Variants in NDST4 observed in about 807,000 individuals in gnomAD.
NDST4 encodes N-deacetylase and N-sulfotransferase 4, also known as N-heparan sulfate sulfotransferase 4.
In NDST4, 63 loss-of-function variants were observed where a neutral mutation model predicts 100.8. That is an observed-to-expected ratio of 0.62 (90% confidence interval 0.51 to 0.77). The LOEUF is 0.77. Ranked by LOEUF, NDST4 falls within the 30% of genes least tolerant of loss-of-function variation. The probability of loss-of-function intolerance (pLI) is 0.00; values close to 1 mark genes in which losing one functional copy is unlikely to be tolerated. For synonymous variants in NDST4, 377 were observed against 361.8 expected (o/e 1.04, Z -0.48); for missense variants, 943 against 1,018.4 (o/e 0.93, Z 1.01).
At chr4:115,034,189 T>C (rs1728183323) in intron 2 of NDST4, among the ~76,000 whole-genome samples, 2 of 152,112 alleles carry the variant, frequency 1.3e-5, no homozygotes, top group Admixed American at 6.6e-5. Context: ...CAAAAAAATA[T>C]TCAAACATGT....
At chr4:114,990,558 T>C (rs1727015052) in intron 2 of NDST4, among the ~76,000 whole-genome samples, 1 of 152,058 alleles carries the variant, frequency 6.6e-6, no homozygotes, top group African/African-American at 2.4e-5. Flanking sequence ...ATAAAGTCAC[T>C]TAAAAAAATC....
At chr4:114,904,335 A>G (rs1724906391) in intron 6 of NDST4, among the ~76,000 whole-genome samples, 4 of 151,986 alleles carry the variant, frequency 2.6e-5, no homozygotes, top group Admixed American at 1.3e-4. Context: ...CAGAATGATA[A>G]GCAAGGTACA....
chr4:114,932,852 C>T (rs1725543059), intron 6 of NDST4, among the ~76,000 whole-genome samples: 1 of 152,042 alleles, frequency 6.6e-6, no homozygotes, highest in Non-Finnish European at 1.5e-5. Flanking sequence ...ATCATCCCAA[C>T]TTCATGGATT....
At chr4:114,976,897 C>T (rs999958730) in intron 3 of NDST4, among the ~76,000 whole-genome samples, 17 of 151,922 alleles carry the variant, frequency 1.1e-4, no homozygotes, top group Admixed American at 1.1e-3. Flanking sequence ...GCCTTCTACC[C>T]ATACTGTGCT....
At chr4:114,935,075 G>T in intron 6 of NDST4, 131 bp downstream of exon 6, 2 of 675,858 alleles carry the variant, frequency 3.0e-6, no homozygotes. Context: ...TTTTAATATA[G>T]ATTTAAATGC....
intron 2 of NDST4, among the ~76,000 whole-genome samples, chr4:114,990,488 T>C (rs2126251454): frequency 6.6e-6 from 1 of 152,250 alleles, no homozygotes; most frequent in East Asian, 1.9e-4. Flanking sequence ...CAAGGATGTT[T>C]TATTAACTGA....
intron 1 of NDST4, among the ~76,000 whole-genome samples, chr4:115,089,834 T>G (rs1729480688): frequency 6.6e-6 from 1 of 151,850 alleles, no homozygotes; most frequent in Non-Finnish European, 1.5e-5. Flanking sequence ...TTGCACCAAA[T>G]TATCTCTAAG....
At chr4:114,962,835 A>G (rs967181689) in intron 4 of NDST4, among the ~76,000 whole-genome samples, 1 of 152,110 alleles carries the variant, frequency 6.6e-6, no homozygotes, top group African/African-American at 2.4e-5. Context: ...GAAATTCAAA[A>G]GACCCAGAAT....
At chr4:115,028,397 T>C (rs979235520) in intron 2 of NDST4, among the ~76,000 whole-genome samples, 3 of 152,152 alleles carry the variant, frequency 2.0e-5, no homozygotes, top group Non-Finnish European at 4.4e-5. Context: ...GAAATATGTG[T>C]ACATATATCG....
chr4:114,994,510 G>A (rs1727118134), intron 2 of NDST4, among the ~76,000 whole-genome samples: 2 of 151,912 alleles, frequency 1.3e-5, no homozygotes, highest in Non-Finnish European at 2.9e-5. Flanking sequence ...TGCTAGTAGC[G>A]TTTGAAACTG....
intron 6 of NDST4, among the ~76,000 whole-genome samples, chr4:114,918,569 AAT>A (rs1286566683): frequency 2.6e-5 from 4 of 151,238 alleles, no homozygotes; most frequent in Admixed American, 6.6e-5. Flanking sequence ...ATAAAAAAAA[AAT>A]AAAATAAAAA....
intron 2 of NDST4, among the ~76,000 whole-genome samples, chr4:115,038,336 G>A (rs1160250797): frequency 6.6e-6 from 1 of 152,064 alleles, no homozygotes; most frequent in Non-Finnish European, 1.5e-5. Flanking sequence ...CAGCCAAAAG[G>A]AGAAAGCTGG....
chr4:115,032,503 C>T (rs1728136187), intron 2 of NDST4, among the ~76,000 whole-genome samples: 1 of 151,912 alleles, frequency 6.6e-6, no homozygotes, highest in Non-Finnish European at 1.5e-5. Flanking sequence ...CATTCAGAAA[C>T]CAAAAAAGAA....
intron 6 of NDST4, among the ~76,000 whole-genome samples, chr4:114,931,907 A>G (rs1013126972): frequency 2.0e-5 from 3 of 149,122 alleles, no homozygotes; most frequent in African/African-American, 7.4e-5. Context: ...GTATTTTATA[A>G]AAAAAAAAAT....
chr4:114,935,391 T>A, intron 5 of NDST4, 57 bp from the exon 6 acceptor site: 1 of 1,441,390 alleles, frequency 6.9e-7, no homozygotes, highest in African/African-American at 1.5e-5. Flanking sequence ...GAACTTCACC[T>A]GTGTCTCATA....
chr4:114,869,400 A>G (rs990204131), intron 7 of NDST4, among the ~76,000 whole-genome samples: 2 of 152,096 alleles, frequency 1.3e-5, no homozygotes, highest in African/African-American at 2.4e-5. Context: ...TATATTTTAT[A>G]TAAACATTTG....
intron 8 of NDST4, among the ~76,000 whole-genome samples, 153 bp downstream of exon 8, chr4:114,852,572 G>A (rs917643805): frequency 6.6e-6 from 1 of 152,054 alleles, no homozygotes; most frequent in Non-Finnish European, 1.5e-5. Flanking sequence ...GTATAAATGC[G>A]AATCATGGAG....
At chr4:114,993,754 T>C (rs1266086716) in intron 2 of NDST4, among the ~76,000 whole-genome samples, 1 of 151,948 alleles carries the variant, frequency 6.6e-6, no homozygotes, top group Non-Finnish European at 1.5e-5. Flanking sequence ...TCCTTGTCCA[T>C]AAATTTAGCT....
chr4:114,903,954 G>C (rs942483929), intron 6 of NDST4, among the ~76,000 whole-genome samples: 3 of 151,892 alleles, frequency 2.0e-5, no homozygotes, highest in Non-Finnish European at 2.9e-5. Context: ...ATTCTGCAAG[G>C]CTTAGTTTGG....
Sources: allele counts gnomAD v4.1 joint callset (sites outside exome capture counted in the v4.1 genomes callset), GRCh38; gene constraint gnomAD v4.1.1; transcripts MANE v1.5; gene names NCBI Gene and HGNC (gene_info 2026-07-23, HGNC 2026-07-21).